The following NR4A1 variants were observed in gnomAD, a reference collection of about 807,000 sequenced individuals.
The protein encoded by NR4A1 is nuclear receptor subfamily 4immunitygroup A member 1.
In NR4A1, 24 loss-of-function variants were observed where a neutral mutation model predicts 47.5. That is an observed-to-expected ratio of 0.50 (90% CI 0.37 to 0.71). The LOEUF is 0.71. Among genes scored for constraint, NR4A1 ranks in the 30% least tolerant of loss-of-function variants. The pLI is 0.00. For synonymous variants in NR4A1, 353 were observed against 345.7 expected (o/e 1.02, Z -0.24); for missense variants, 669 against 788.6 (o/e 0.85, Z 1.82).
intron 1 of NR4A1, among the ~76,000 whole-genome samples, chr12:52,032,248 A>G (rs1212294490): frequency 6.6e-6 from 1 of 152,238 alleles, no homozygotes; most frequent in South Asian, 2.1e-4. Context: ...ATGGGCAGGC[A>G]TAATTTAATC....
rs111547428 is a variant in NR4A1, at chr12:52,059,157, C to G, written c.*213C>G. On this transcript the variant is annotated 3_prime_UTR_variant, in exon 7 of 7. Transcript: ENST00000394825. ...ACCCCACGATTTGTCTTATCCCCCC[C>G]AGCCTGGCCCCGGCCTTTATGTTTT... 3.3e-5 allele frequency: 20 copies of G among 612,432 alleles called. No homozygotes were observed. Among genetic ancestry groups the G allele is most frequent in the East Asian group, 2.9e-4 (10 of 34,346 alleles). 37.9% of individuals were successfully genotyped at this position (612,432 alleles called of 1,614,324 possible).
chr12:52,058,532 G>A (rs558979755), intron 6 of NR4A1, 156 bp from the exon 7 acceptor site: 16 of 961,300 alleles, frequency 1.7e-5, no homozygotes, highest in East Asian at 5.4e-5. Flanking sequence ...GACTTGTGAC[G>A]ATGCTTACTA....
chr12:52,051,539 GT>G lies in NR4A1; in HGVS notation c.-31del. The G allele has an allele frequency of 1.0e-6, 1 of 986,052 alleles. No individual in the cohort carries two copies. Among genetic ancestry groups the G allele is most frequent in the Non-Finnish European group, 1.2e-6 (1 of 830,368 alleles). The allele number at this position is 986,052 out of a possible 1,614,324, so 61.1% of individuals were successfully genotyped here. Reference sequence around the variant, plus strand: ...GACCAGGCTGAGACTCGGGGCGCCAGTCCGGGCAGGGGCAGCGGGAGCCGGC... The same window carrying G: ...GACCAGGCTGAGACTCGGGGCGCCAGCCGGGCAGGGGCAGCGGGAGCCGGC... On this transcript the variant is annotated 5_prime_UTR_variant, in exon 1 of 7. Transcript: ENST00000394825.
upstream of NR4A1, among the ~76,000 whole-genome samples, chr12:52,048,312 T>A (rs973560053): frequency 1.3e-5 from 2 of 149,096 alleles, no homozygotes; most frequent in East Asian, 2.0e-4. Context: ...GGTTTTATTT[T>A]GGCCGGGTAC....
Position 52,057,539 on chromosome 12 carries a change from C to T in NR4A1, c.1540+9C>T. ...CCTTGTCCTCATCACCGGTGAGTGA[C>T]CAGCACCACACCAGGTCCAAGGGAA... On this transcript the variant is annotated intron_variant, in intron 6 of 6. Coordinates refer to ENST00000394825, the MANE Select transcript of NR4A1 (RefSeq NM_173157.3). The T allele has an allele frequency of 2.5e-6, 4 of 1,613,520 alleles. No homozygotes were observed. Among genetic ancestry groups the T allele is most frequent in the Non-Finnish European group, 3.4e-6 (4 of 1,179,898 alleles).
chr12:52,033,176 C>G (rs1938165833), intron 1 of NR4A1, among the ~76,000 whole-genome samples: 1 of 152,196 alleles, frequency 6.6e-6, no homozygotes, highest in Non-Finnish European at 1.5e-5. Flanking sequence ...CCGGCCCCAC[C>G]CCGCCCAGCC....
At chr12:52,039,793 G>C (rs1463961316) in intron 1 of NR4A1, among the ~76,000 whole-genome samples, 1 of 152,254 alleles carries the variant, frequency 6.6e-6, no homozygotes, top group South Asian at 2.1e-4. Context: ...AATCAGGCTA[G>C]TGTGGTGGGG....
chr12:52,050,229 G>T (rs895925560), upstream of NR4A1, among the ~76,000 whole-genome samples: 1 of 152,228 alleles, frequency 6.6e-6, no homozygotes, highest in Non-Finnish European at 1.5e-5. Flanking sequence ...GCCCAGCAGG[G>T]CCCTGGCGGG....
chr12:52,032,688 T>G (rs1303472372), intron 1 of NR4A1, among the ~76,000 whole-genome samples: 4 of 152,220 alleles, frequency 2.6e-5, no homozygotes, highest in Non-Finnish European at 5.9e-5. Flanking sequence ...ATGTTCCAGC[T>G]TTCGGTACCT....
At chr12:52,037,724 C>T in intron 1 of NR4A1, 1 of 985,432 alleles carries the variant, frequency 1.0e-6, no homozygotes, top group Non-Finnish European at 1.2e-6. Flanking sequence ...ATTTCTCCGC[C>T]GGCTGCGGGA....
chr12:52,041,709 C>T (rs1938445287), intron 1 of NR4A1: 5 of 1,205,860 alleles, frequency 4.1e-6, no homozygotes, highest in East Asian at 3.1e-5. Flanking sequence ...TGGCCTAGGT[C>T]CTGCCACTGC....
intron 2 of NR4A1, among the ~76,000 whole-genome samples, chr12:52,042,175 A>C (rs556125447): frequency 1.3e-5 from 2 of 152,182 alleles, no homozygotes; most frequent in East Asian, 3.9e-4. Flanking sequence ...CTCTGGGCCT[A>C]GGTGACACGG....
chr12:52,026,302 G>A (rs1031569738), intron 1 of NR4A1, among the ~76,000 whole-genome samples: 7 of 152,216 alleles, frequency 4.6e-5, no homozygotes, highest in African/African-American at 1.4e-4. Flanking sequence ...GTATTTAAAG[G>A]AAATTGCAAG....
intron 1 of NR4A1, among the ~76,000 whole-genome samples, chr12:52,027,329 G>A (rs1056450346): frequency 3.3e-5 from 5 of 152,254 alleles, no homozygotes; most frequent in Non-Finnish European, 7.3e-5. Flanking sequence ...CCAGCAGCTC[G>A]GGTTACCCAG....
chr12:52,055,889 A>G, intron 2 of NR4A1, 141 bp from the exon 3 acceptor site: 1 of 273,688 alleles, frequency 3.7e-6, no homozygotes, highest in Non-Finnish European at 6.4e-6. Context: ...CTCCCTTGCC[A>G]CCCAAATGTT....
chr12:52,046,349 CT>C (rs1938638607), intron 2 of NR4A1, among the ~76,000 whole-genome samples: 1 of 152,196 alleles, frequency 6.6e-6, no homozygotes, highest in African/African-American at 2.4e-5. Flanking sequence ...AGACAGTGCC[CT>C]TGTCCTCATG....
intron 6 of NR4A1, 183 bp from the exon 7 acceptor site, chr12:52,058,505 A>C (rs1939387468): frequency 1.3e-6 from 1 of 749,860 alleles, no homozygotes; most frequent in Non-Finnish European, 2.1e-6. Context: ...GAGGATAATG[A>C]GGGTTACTGC....
chr12:52,039,252 A>G (rs1255238726), intron 1 of NR4A1, among the ~76,000 whole-genome samples: 1 of 152,242 alleles, frequency 6.6e-6, no homozygotes, highest in Non-Finnish European at 1.5e-5. Flanking sequence ...TGCTAATAAT[A>G]GTAATATGCC....
In NR4A1 at chr12:52,038,163, C is replaced by T. The variant is rs2641524; in HGVS notation, c.-83-3647C>T. On this transcript the variant is annotated intron_variant, in intron 1 of 7. Transcript: ENST00000360284. ...CACTGCAATCTCCGTCTCCCGGGTT[C>T]AAGCGAATCTCCTGCCTCAGCCTCC... is the stretch of plus-strand genomic sequence containing the variant. 0.014 allele frequency: 10,766 copies of T among 754,936 alleles called. 783 individuals carry two copies. In the African/African-American group the frequency reaches 0.17, roughly 12 times the overall value. 46.8% of individuals were successfully genotyped at this position (754,936 alleles called of 1,614,324 possible). A position where few individuals can be genotyped will look rare whatever the true frequency, so the allele number is the denominator to read the frequency against.
Sources: allele counts gnomAD v4.1 joint callset (sites outside exome capture counted in the v4.1 genomes callset), GRCh38; gene constraint gnomAD v4.1.1; transcripts MANE v1.5; gene names NCBI Gene and HGNC (gene_info 2026-07-23, HGNC 2026-07-21).